Variants in IRAK1BP1 observed in about 807,000 individuals in gnomAD.
IRAK1BP1 encodes the protein interleukin 1 receptor associated kinase 1 binding protein 1, also known as interleukin-1 receptor-associated kinase 1-binding protein 1.
IRAK1BP1 carries 24 observed loss-of-function variants against 28.0 expected under a neutral mutation model. That is an observed-to-expected ratio of 0.86 (90% CI 0.62 to 1.20). IRAK1BP1 has a LOEUF of 1.20. Ranked by LOEUF, IRAK1BP1 falls within the 50% of genes most tolerant of loss-of-function variation. The pLI is 0.00. For synonymous variants in IRAK1BP1, 131 were observed against 116.3 expected, an observed-to-expected ratio of 1.13 and a Z score of -0.81; for missense variants, 336 against 316.7, an observed-to-expected ratio of 1.06 and a Z score of -0.46.
At chr6:78,933,346 G>C (rs538311676) in intron 4 of IRAK1BP1, among the ~76,000 whole-genome samples, 13 of 152,158 alleles carry the variant, frequency 8.5e-5, no homozygotes. Context: ...GGCCGGACGC[G>C]ATGGCTCACG....
chr6:78,925,481 A>T (rs780415290), intron 4 of IRAK1BP1, among the ~76,000 whole-genome samples: 2 of 152,308 alleles, frequency 1.3e-5, no homozygotes, highest in East Asian at 3.9e-4. Flanking sequence ...CAAAACCGCA[A>T]TGAAATACTA....
chr6:78,971,720 C>T, the IRAK1BP1 span, among the ~76,000 whole-genome samples: 1 of 152,174 alleles, frequency 6.6e-6, no homozygotes, highest in Non-Finnish European at 1.5e-5. Context: ...ACTCAGGAAG[C>T]ACAGGGAGTC....
the IRAK1BP1 span, chr6:78,955,481 G>T: frequency 8.2e-5 from 37 of 453,758 alleles, no homozygotes; most frequent in African/African-American, 3.9e-4. Context: ...ACTGCCAGTT[G>T]TTTTTTTTTT....
the IRAK1BP1 span, chr6:78,955,120 T>C: frequency 3.4e-6 from 3 of 878,246 alleles, no homozygotes; most frequent in Non-Finnish European, 5.1e-6. Flanking sequence ...TAATTGAAAC[T>C]AATTTGAAAT....
intron 4 of IRAK1BP1, among the ~76,000 whole-genome samples, chr6:78,929,239 C>T (rs1772978826): frequency 1.3e-5 from 2 of 151,984 alleles, no homozygotes; most frequent in East Asian, 3.9e-4. Context: ...TCAATCTTGG[C>T]AGGTTGTACA....
intron 2 of IRAK1BP1, among the ~76,000 whole-genome samples, chr6:78,886,850 T>G (rs1347813318): frequency 6.6e-6 from 1 of 152,206 alleles, no homozygotes; most frequent in Non-Finnish European, 1.5e-5. Context: ...CTCCTCTTCC[T>G]TCTGCTTTAC....
At chr6:78,952,711 ACATTT>A in the IRAK1BP1 span, among the ~76,000 whole-genome samples, 3 of 152,166 alleles carry the variant, frequency 2.0e-5, no homozygotes, top group Non-Finnish European at 4.4e-5. Context: ...CAGTAATTAT[ACATTT>A]CATTTCCAGG....
rs555700779 is a variant in IRAK1BP1, at chr6:78,889,313, A to G, written c.381+3870A>G. Among the ~76,000 whole-genome samples, 5 of 152,190 alleles carry G rather than the reference A, an allele frequency of 3.3e-5. No individual in the cohort carries two copies. In the South Asian group the frequency reaches 6.2e-4, roughly 19 times the overall value. ...AGACTTAAGTGTAAAACCTAAAACCATAAAAACCCTAGAAGAAAACCTAGG... is the reference window on the plus strand; with the variant it reads ...AGACTTAAGTGTAAAACCTAAAACCGTAAAAACCCTAGAAGAAAACCTAGG... On this transcript the variant is annotated intron_variant, in intron 2 of 3. Transcript: ENST00000369940.
intron 4 of IRAK1BP1, among the ~76,000 whole-genome samples, chr6:78,922,590 T>C (rs1029670436): frequency 6.6e-6 from 1 of 152,290 alleles, no homozygotes; most frequent in African/African-American, 2.4e-5. Flanking sequence ...AAGGTACTCC[T>C]TGATAAGAGC....
At chr6:78,945,082 CTTTT>C (rs879391783) in intron 4 of IRAK1BP1, among the ~76,000 whole-genome samples, 1 of 141,792 alleles carries the variant, frequency 7.1e-6, no homozygotes, top group East Asian at 2.0e-4. Flanking sequence ...AGATTTATTT[CTTTT>C]TTTTTTTTTT....
chr6:78,933,318 C>T (rs1024539107), intron 4 of IRAK1BP1, among the ~76,000 whole-genome samples: 16 of 152,138 alleles, frequency 1.1e-4, no homozygotes, highest in Non-Finnish European at 1.9e-4. Context: ...GGCTTCTTTC[C>T]TTAAACATCA....
chr6:78,949,687 T>C (rs1774031884), downstream of IRAK1BP1, among the ~76,000 whole-genome samples: 1 of 147,316 alleles, frequency 6.8e-6, no homozygotes, highest in Non-Finnish European at 1.5e-5. Context: ...TCTTTTTTAC[T>C]TTTTTTTTTT....
chr6:78,899,056 A>C lies in IRAK1BP1; in HGVS notation c.*722A>C, dbSNP rs1322748336. On this transcript the variant is annotated 3_prime_UTR_variant, in exon 4 of 4. Coordinates refer to ENST00000369940, the MANE Select transcript of IRAK1BP1 (RefSeq NM_001010844.4). ...CCTTGTCCCAGGTCCCATGGGGGCA[A>C]AATGATATGGCCATATGCAATATGG... The C allele has an allele frequency of 6.6e-6, 1 of 152,214 alleles. No individual in the cohort carries two copies. The highest frequency in any genetic ancestry group is 6.5e-5 in the Admixed American group (1 of 15,274). 9.4% of individuals were successfully genotyped at this position (152,214 alleles called of 1,614,324 possible).
At chr6:78,950,902 T>C (rs1455409688), downstream of IRAK1BP1, among the ~76,000 whole-genome samples, 1 of 152,164 alleles carries the variant, frequency 6.6e-6, no homozygotes, top group Non-Finnish European at 1.5e-5. Context: ...TTTACTCTTC[T>C]TTCTCTAGGT....
intron 4 of IRAK1BP1, among the ~76,000 whole-genome samples, chr6:78,916,058 C>A (rs1353763267): frequency 6.6e-6 from 1 of 152,134 alleles, no homozygotes; most frequent in Non-Finnish European, 1.5e-5. Flanking sequence ...GCAGCCGGAG[C>A]AAGCAGCTCA....
At chr6:78,903,495 A>C (rs1234795627), downstream of IRAK1BP1, among the ~76,000 whole-genome samples, 2 of 152,212 alleles carry the variant, frequency 1.3e-5, no homozygotes, top group Non-Finnish European at 2.9e-5. Flanking sequence ...TTGCAAAAAA[A>C]AGAAAAAGAT....
chr6:78,908,602 A>G (rs1772320822), intron 4 of IRAK1BP1, among the ~76,000 whole-genome samples: 2 of 152,176 alleles, frequency 1.3e-5, no homozygotes, highest in Admixed American at 1.3e-4. Context: ...TGGCCTCCCA[A>G]AGTGCTAGGA....
chr6:78,915,738 A>T (rs187082509), intron 4 of IRAK1BP1, among the ~76,000 whole-genome samples: 1 of 151,956 alleles, frequency 6.6e-6, no homozygotes, highest in East Asian at 1.9e-4. Context: ...AGCCTGAAAG[A>T]CCTCCCAGCC....
the IRAK1BP1 span, among the ~76,000 whole-genome samples, chr6:78,952,009 A>G: frequency 0.02 from 3,087 of 152,322 alleles, 43 homozygotes; most frequent in Non-Finnish European, 0.03. Flanking sequence ...GACTGTTTCA[A>G]TATTTTCTTT....
Sources: gnomAD v4.1 joint callset for allele counts (sites outside exome capture counted in the v4.1 genomes callset) on GRCh38, gnomAD v4.1.1 for gene constraint, MANE v1.5 for transcripts, NCBI Gene and HGNC (gene_info 2026-07-23, HGNC 2026-07-21) for gene names.